Variants in ANO10 observed in about 807,000 individuals in gnomAD.
ANO10 encodes anoctamin 10, also known as anoctamin-10.
A neutral mutation model predicts 74.7 loss-of-function variants in ANO10; 77 were observed. The ratio of observed to expected loss-of-function variants is 1.03; its 90% CI spans 0.86 to 1.25. The LOEUF is 1.25. ANO10 is among the 50% of genes most tolerant of loss of function. The probability of loss-of-function intolerance (pLI) is 0.00; values close to 1 mark genes in which losing one functional copy is unlikely to be tolerated. For missense variants in ANO10, 721 were observed against 778.1 expected, an observed-to-expected ratio of 0.93 and a Z score of 0.87; for synonymous variants, 279 against 284.9, an observed-to-expected ratio of 0.98 and a Z score of 0.21.
At chr3:43,509,960 G>A (rs568455264) in intron 11 of ANO10, among the ~76,000 whole-genome samples, 19 of 152,286 alleles carry the variant, frequency 1.2e-4, no homozygotes, top group African/African-American at 4.6e-4. Context: ...GTTATACACT[G>A]TATGATTACA....
chr3:43,501,291 G>T (rs1166332111), intron 11 of ANO10, among the ~76,000 whole-genome samples: 2 of 152,080 alleles, frequency 1.3e-5, no homozygotes, highest in Non-Finnish European at 2.9e-5. Flanking sequence ...GGAACTAACA[G>T]AGTGGGAAAT....
At chr3:43,611,052 C>T (rs2082792491) in intron 1 of ANO10, among the ~76,000 whole-genome samples, 1 of 152,142 alleles carries the variant, frequency 6.6e-6, no homozygotes, top group Non-Finnish European at 1.5e-5. Flanking sequence ...CCTCTGAAAT[C>T]CACTCTCCCT....
chr3:43,682,062 C>T (rs1184691421), intron 1 of ANO10, among the ~76,000 whole-genome samples: 2 of 152,010 alleles, frequency 1.3e-5, no homozygotes, highest in South Asian at 2.1e-4. Flanking sequence ...TAGCAGAAGG[C>T]AAGAAATAAC....
At chr3:43,592,449 A>G (rs2081834843) in intron 4 of ANO10, among the ~76,000 whole-genome samples, 1 of 152,236 alleles carries the variant, frequency 6.6e-6, no homozygotes, top group Admixed American at 6.5e-5. Context: ...CAATATTTGC[A>G]GTTCTGCAGC....
chr3:43,622,489 C>G (rs1056225554), upstream of ANO10, among the ~76,000 whole-genome samples: 1 of 152,212 alleles, frequency 6.6e-6, no homozygotes, highest in African/African-American at 2.4e-5. Flanking sequence ...ATTTTCTGGT[C>G]ACTTTCAGGT....
intron 11 of ANO10, 36 bp downstream of exon 11, chr3:43,549,684 G>C: frequency 6.2e-7 from 1 of 1,610,998 alleles, no homozygotes; most frequent in South Asian, 1.1e-5. Flanking sequence ...AACGTAATAT[G>C]GATACTGCTT....
At chr3:43,372,623 C>T (rs746284330) in intron 12 of ANO10, 31 of 497,688 alleles carry the variant, frequency 6.2e-5, no homozygotes, top group East Asian at 3.7e-4. Flanking sequence ...CCTCCTCCCC[C>T]GTCACCATCC....
At chr3:43,456,433 G>A (rs1243053026) in intron 11 of ANO10, among the ~76,000 whole-genome samples, 2 of 152,212 alleles carry the variant, frequency 1.3e-5, no homozygotes, top group Admixed American at 1.3e-4. Context: ...ACACAACGCT[G>A]TGCATCCTTA....
chr3:43,450,169 A>AT (rs879769152), intron 11 of ANO10, among the ~76,000 whole-genome samples: 64 of 152,112 alleles, frequency 4.2e-4, no homozygotes, highest in Non-Finnish European at 5.3e-4. Flanking sequence ...AAATATTTGA[A>AT]TTTTTTTTCT....
chr3:43,374,987 G>A (rs756751949), intron 12 of ANO10, among the ~76,000 whole-genome samples: 9 of 151,952 alleles, frequency 5.9e-5, no homozygotes, highest in African/African-American at 1.2e-4. Context: ...TGGGCGTGGC[G>A]GCAGGCACCT....
chr3:43,432,941 A>ATTTTTT (rs1559539096), intron 11 of ANO10, among the ~76,000 whole-genome samples: 2 of 46,532 alleles, frequency 4.3e-5, no homozygotes, highest in Admixed American at 5.9e-4. Flanking sequence ...ACTTTGCTTA[A>ATTTTTT]TTCTTTTTTT....
At chr3:43,622,332 C>A (rs1224304921), upstream of ANO10, among the ~76,000 whole-genome samples, 1 of 152,164 alleles carries the variant, frequency 6.6e-6, no homozygotes, top group Non-Finnish European at 1.5e-5. Flanking sequence ...GGGAGAGGCG[C>A]GGCCGAGAAG....
intron 1 of ANO10, among the ~76,000 whole-genome samples, chr3:43,672,990 T>C (rs1291412972): frequency 2.0e-5 from 3 of 152,230 alleles, no homozygotes; most frequent in Non-Finnish European, 4.4e-5. Context: ...TCTAGCCATG[T>C]AGGTAAACAG....
At chr3:43,550,647 T>G (rs1258876049) in intron 10 of ANO10, among the ~76,000 whole-genome samples, 3 of 152,146 alleles carry the variant, frequency 2.0e-5, no homozygotes, top group African/African-American at 7.2e-5. Context: ...GGAGAACTTC[T>G]GCCATCTTAC....
At chr3:43,420,871 G>A (rs1030384502) in intron 12 of ANO10, among the ~76,000 whole-genome samples, 7 of 152,270 alleles carry the variant, frequency 4.6e-5, no homozygotes, top group African/African-American at 1.4e-4. Flanking sequence ...TTCTTGTCTG[G>A]TAGTCATAGA....
intron 11 of ANO10, among the ~76,000 whole-genome samples, chr3:43,453,467 C>T (rs567226597): frequency 6.6e-6 from 1 of 152,342 alleles, no homozygotes; most frequent in Admixed American, 6.5e-5. Flanking sequence ...GCATGAGCCA[C>T]CGCACCTGGC....
At position 43,576,978 on chromosome 3, in the gene ANO10, C is replaced by G. The variant is rs967906623; in HGVS notation, c.876G>C (p.Leu292Phe). The G allele has an allele frequency of 6.2e-7, 1 of 1,613,720 alleles. No individual in the cohort carries two copies. The highest frequency in any genetic ancestry group is 8.5e-7 in the Non-Finnish European group (1 of 1,179,668). The change falls in exon 6 of 13, where the codon TTG (leucine) becomes TTC (phenylalanine). Residue 292 changes from leucine (L) to phenylalanine (F), a missense_variant. By Grantham distance (22) the Leu-to-Phe change is conservative. Transcript: ENST00000292246. Reference protein sequence around the residue: ...EEPRPGFHGVLGINSITGKEE... With the variant: ...EEPRPGFHGVFGINSITGKEE... Reference sequence around the variant, plus strand: ...CCTTCCCAGTGATGGAATTGATACCCAAGACACCATGAAATCCTGGCCGGG... The same window carrying G: ...CCTTCCCAGTGATGGAATTGATACCGAAGACACCATGAAATCCTGGCCGGG...
chr3:43,506,086 C>T (rs1164629806), intron 11 of ANO10, among the ~76,000 whole-genome samples: 1 of 152,144 alleles, frequency 6.6e-6, no homozygotes, highest in Non-Finnish European at 1.5e-5. Context: ...ATGCATTTTA[C>T]TCTATGTGTG....
In ANO10 at chr3:43,432,646, G is replaced by A. The variant is rs778892773; in HGVS notation, c.1879C>T (p.Leu627=). Residue 627 remains leucine, a synonymous_variant, in exon 12 of 13, where the codon CTG becomes TTG. Transcript: ENST00000292246. ...PRHIQMKLAR[L]EFESLEALKQ... ...AGTGCCTCCAAAGACTCAAATTCCA[G>A]TCTGGCTAGTTTCATCTGGATATGC... is the stretch of plus-strand genomic sequence containing the variant. 3 of 1,613,900 alleles carry A rather than the reference G, an allele frequency of 1.9e-6. No individual in the cohort carries two copies. Among genetic ancestry groups the A allele is most frequent in the Non-Finnish European group, 2.5e-6 (3 of 1,179,852 alleles).
Sources: allele counts gnomAD v4.1 joint callset (sites outside exome capture counted in the v4.1 genomes callset), GRCh38; gene constraint gnomAD v4.1.1; transcripts MANE v1.5; gene names NCBI Gene and HGNC (gene_info 2026-07-23, HGNC 2026-07-21).